ENTPD4: variants seen among roughly 807,000 people sequenced by gnomAD.
ENTPD4 encodes the protein ectonucleoside triphosphate diphosphohydrolase 4, also known as Golgi UDPase.
Under a neutral mutation model 79.1 loss-of-function variants are expected in ENTPD4, and 60 were observed. That is an observed-to-expected ratio of 0.76 (90% CI 0.62 to 0.94). The LOEUF is 0.94. Ranked by LOEUF, ENTPD4 falls within the 40% of genes least tolerant of loss-of-function variation. The pLI, the probability that ENTPD4 is intolerant of heterozygous loss-of-function variation, is 0.00. For missense variants in ENTPD4, 772 were observed against 775.1 expected (o/e 1.00, Z 0.05); for synonymous variants, 276 against 292.0 (o/e 0.95, Z 0.56).
In ENTPD4 at chr8:23,434,424, C is replaced by T. The variant is rs1184433422; in HGVS notation, c.1515G>A (p.Ser505=). The T allele has an allele frequency of 6.2e-6, 10 of 1,614,046 alleles. No individual in the cohort carries two copies. Among genetic ancestry groups the T allele is most frequent in the Admixed American group, 1.7e-5 (1 of 60,012 alleles). ...TTAAGCTTTTATAGTTGACAGGAAA[C>T]GAAAAGCCCCTATGAAACACCTCAA... is the stretch of plus-strand genomic sequence containing the variant. ...WMFEVFHRGF[S]FPVNYKSLKT... Residue 505 remains serine, a synonymous_variant, in exon 12 of 13, where the codon TCG becomes TCA. Coordinates refer to ENST00000358689, the MANE Select transcript of ENTPD4 (RefSeq NM_004901.5).
intron 1 of ENTPD4, among the ~76,000 whole-genome samples, chr8:23,456,917 C>T (rs1800968699): frequency 6.6e-6 from 1 of 152,168 alleles, no homozygotes; most frequent in Non-Finnish European, 1.5e-5. Context: ...CTTTAGTTTC[C>T]TTCGTGATAA....
intron 4 of ENTPD4, among the ~76,000 whole-genome samples, chr8:23,446,734 G>T (rs936335582): frequency 1.2e-4 from 18 of 152,078 alleles, no homozygotes; most frequent in African/African-American, 4.3e-4. Flanking sequence ...GGACTCGAGG[G>T]GTCACCATTC....
Position 23,431,022 on chromosome 8 carries a change from G to A in ENTPD4, c.*1904C>T. On this transcript the variant is annotated 3_prime_UTR_variant, in exon 13 of 13. Coordinates refer to ENST00000358689, the MANE Select transcript of ENTPD4 (RefSeq NM_004901.5). Reference sequence around the variant, plus strand: ...GCTGGTAACACGCTTTGAAATCCAGGTGAGGGAGCCATGCCCCCACAGCTC... The same window carrying A: ...GCTGGTAACACGCTTTGAAATCCAGATGAGGGAGCCATGCCCCCACAGCTC... The A allele has an allele frequency of 1.0e-6, 1 of 966,506 alleles. No homozygotes were observed. Among genetic ancestry groups the A allele is most frequent in the Non-Finnish European group, 1.2e-6 (1 of 812,754 alleles). The allele number at this position is 966,506 out of a possible 1,614,324, so 59.9% of individuals were successfully genotyped here. A position where few individuals can be genotyped will look rare whatever the true frequency, so the allele number is the denominator to read the frequency against.
At chr8:23,453,920 A>G (rs1338373485) in intron 1 of ENTPD4, among the ~76,000 whole-genome samples, 2 of 152,274 alleles carry the variant, frequency 1.3e-5, no homozygotes, top group African/African-American at 4.8e-5. Context: ...CAATGTGACT[A>G]TTAAAGGTGA....
chr8:23,432,322 C>A lies in ENTPD4; in HGVS notation c.*604G>T. On this transcript the variant is annotated 3_prime_UTR_variant, in exon 13 of 13. Transcript: ENST00000358689. ...GCATCTTTCCACCTCCCTCCAGTAT[C>A]AAAGTGCATGTGTTTAAATTTAACA... 3.0e-6 allele frequency: 3 copies of A among 985,500 alleles called. No individual in the cohort carries two copies. Among genetic ancestry groups the A allele is most frequent in the Non-Finnish European group, 3.6e-6 (3 of 830,028 alleles). The allele number at this position is 985,500 out of a possible 1,614,324, so 61.0% of individuals were successfully genotyped here. A position where few individuals can be genotyped will look rare whatever the true frequency, so the allele number is the denominator to read the frequency against.
In ENTPD4 at chr8:23,430,169, C is replaced by G. The variant is rs532881463; in HGVS notation, c.*2757G>C. The G allele has an allele frequency of 5.3e-5, 52 of 985,350 alleles. No individual in the cohort carries two copies. Among genetic ancestry groups the G allele is most frequent in the Non-Finnish European group, 5.9e-5 (49 of 829,954 alleles). The allele number at this position is 985,350 out of a possible 1,614,324, so 61.0% of individuals were successfully genotyped here. A position where few individuals can be genotyped will look rare whatever the true frequency, so the allele number is the denominator to read the frequency against. On this transcript the variant is annotated 3_prime_UTR_variant, in exon 13 of 13. Coordinates refer to ENST00000358689, the MANE Select transcript of ENTPD4 (RefSeq NM_004901.5). ...CACCCTGTATCTCTTAGAGAAAGCACCTGGCTGTCTTCACCTACGCGAGAC... is the reference window on the plus strand; with the variant it reads ...CACCCTGTATCTCTTAGAGAAAGCAGCTGGCTGTCTTCACCTACGCGAGAC...
At position 23,432,923 on chromosome 8, in the gene ENTPD4, G is replaced by A. The variant is rs1309612180; in HGVS notation, c.*3C>T. 1 of 1,587,720 alleles carries A rather than the reference G, an allele frequency of 6.3e-7. No individual in the cohort carries two copies. The highest frequency in any genetic ancestry group is 1.8e-5 in the Admixed American group (1 of 55,514). On this transcript the variant is annotated 3_prime_UTR_variant, in exon 13 of 13. Transcript: ENST00000358689. ...TTGAGTCTTCGTGGAGCTGTGAGCT[G>A]GATCACAAGGTCCCCGGGGCATTCT...
chr8:23,449,714 C>T (rs370106497), intron 2 of ENTPD4, among the ~76,000 whole-genome samples, 179 bp downstream of exon 2: 18 of 152,156 alleles, frequency 1.2e-4, no homozygotes, highest in African/African-American at 4.3e-4. Context: ...TTACTCTTCA[C>T]CTTGAAGAGT....
chr8:23,452,875 T>C (rs1800889622), intron 1 of ENTPD4, among the ~76,000 whole-genome samples: 1 of 152,258 alleles, frequency 6.6e-6, no homozygotes, highest in Non-Finnish European at 1.5e-5. Flanking sequence ...CCAGAGTATT[T>C]GCTTATCACA....
chr8:23,432,754 T>C lies in ENTPD4; in HGVS notation c.*172A>G. ...ACCTCATGATCCGCCCGCCTCGGCCTCCCAAAGTGCTGGGATTACAGGCGT... is the reference window on the plus strand; with the variant it reads ...ACCTCATGATCCGCCCGCCTCGGCCCCCCAAAGTGCTGGGATTACAGGCGT... On this transcript the variant is annotated 3_prime_UTR_variant, in exon 13 of 13. Coordinates refer to ENST00000358689, the MANE Select transcript of ENTPD4 (RefSeq NM_004901.5). The C allele has an allele frequency of 7.2e-7, 1 of 1,388,654 alleles. No individual in the cohort carries two copies. The allele number at this position is 1,388,654 out of a possible 1,614,324, so 86.0% of individuals were successfully genotyped here. A position where few individuals can be genotyped will look rare whatever the true frequency, so the allele number is the denominator to read the frequency against.
intron 1 of ENTPD4, among the ~76,000 whole-genome samples, chr8:23,452,940 C>T (rs924028726): frequency 5.3e-5 from 8 of 152,124 alleles, no homozygotes; most frequent in African/African-American, 1.9e-4. Context: ...ATGACAAGCC[C>T]CACTAGGGCA....
intron 6 of ENTPD4, among the ~76,000 whole-genome samples, chr8:23,443,290 A>C (rs1270975019): frequency 2.0e-5 from 3 of 152,236 alleles, no homozygotes; most frequent in Non-Finnish European, 4.4e-5. Flanking sequence ...AAGCAGCTGA[A>C]TAGCAATGTG....
intron 5 of ENTPD4, 55 bp downstream of exon 5, chr8:23,444,401 C>G (rs1349624069): frequency 1.3e-6 from 2 of 1,502,844 alleles, no homozygotes; most frequent in East Asian, 2.3e-5. Flanking sequence ...GAGAAGAACA[C>G]CCCCTCTCCC....
rs1223902829 is a variant in ENTPD4, at chr8:23,434,451, C to A, written c.1488G>T (p.Met496Ile). 2 of 1,614,142 alleles carry A rather than the reference C, an allele frequency of 1.2e-6. No individual in the cohort carries two copies. Among genetic ancestry groups the A allele is most frequent in the Non-Finnish European group, 1.7e-6 (2 of 1,180,026 alleles). ...LKYQCFKSAW[M>I]FEVFHRGFSF... ...AAAAGCCCCTATGAAACACCTCAAA[C>A]ATCCAGGCCGATTTGAAGCACTGAT... Residue 496 changes from methionine to isoleucine, a missense_variant, in exon 12 of 13, where the codon ATG (methionine) becomes ATT (isoleucine). By Grantham distance (10) the Met-to-Ile change is conservative. Coordinates refer to ENST00000358689, the MANE Select transcript of ENTPD4 (RefSeq NM_004901.5).
At chr8:23,455,376 T>TA (rs1219354757) in intron 1 of ENTPD4, among the ~76,000 whole-genome samples, 8 of 152,138 alleles carry the variant, frequency 5.3e-5, no homozygotes, top group Non-Finnish European at 1.0e-4. Flanking sequence ...CTGGAAAAAT[T>TA]AAAGATGCTC....
Position 23,432,980 on chromosome 8 carries a change from G to GGCGGC in ENTPD4, c.1792_1796dup (p.Ala600ProfsTer94). On this transcript the variant is annotated frameshift_variant, in exon 13 of 13. Coordinates refer to ENST00000358689, the MANE Select transcript of ENTPD4 (RefSeq NM_004901.5). LOFTEE classifies it high-confidence loss of function. ...GAAGGCCCTCCTCCATCCAGAGGGC[G>GGCGGC]GCGGCCGAGCTGCTCCGGGGAGTGC... The GGCGGC allele has an allele frequency of 6.2e-7, 1 of 1,613,398 alleles. No individual in the cohort carries two copies. Among genetic ancestry groups the GGCGGC allele is most frequent in the South Asian group, 1.1e-5 (1 of 91,016 alleles).
intron 9 of ENTPD4, among the ~76,000 whole-genome samples, chr8:23,439,231 T>C (rs1800626116): frequency 6.6e-6 from 1 of 152,252 alleles, no homozygotes; most frequent in South Asian, 2.1e-4. Context: ...CAAAAGCCAC[T>C]AACTCTGACT....
chr8:23,444,296 A>G (rs948626720), intron 5 of ENTPD4, among the ~76,000 whole-genome samples, 160 bp downstream of exon 5: 1 of 152,226 alleles, frequency 6.6e-6, no homozygotes, highest in Non-Finnish European at 1.5e-5. Context: ...TGGCTAAAGG[A>G]ATAGTTCTGG....
chr8:23,456,735 A>G (rs748086418), intron 1 of ENTPD4, among the ~76,000 whole-genome samples: 4 of 152,262 alleles, frequency 2.6e-5, no homozygotes, highest in East Asian at 1.9e-4. Flanking sequence ...CACAAATAAT[A>G]TAACTCTTTT....
Sources: allele counts gnomAD v4.1 joint callset (sites outside exome capture counted in the v4.1 genomes callset), GRCh38; gene constraint gnomAD v4.1.1; transcripts MANE v1.5; gene names NCBI Gene and HGNC (gene_info 2026-07-23, HGNC 2026-07-21).